DIAPH2: variants seen among roughly 807,000 people sequenced by gnomAD.
DIAPH2 encodes diaphanous related formin 2, also known as protein diaphanous homolog 2.
In DIAPH2, 35 loss-of-function variants were observed where a neutral mutation model predicts 92.7. The observed-to-expected ratio is 0.38, with a 90% CI of 0.29 to 0.50. The LOEUF is 0.50. Among genes scored for constraint, DIAPH2 ranks in the 20% least tolerant of loss-of-function variants. DIAPH2 has a pLI of 0.94. For synonymous variants in DIAPH2, 301 were observed against 280.4 expected (o/e 1.07, Z -0.73); for missense variants, 701 against 819.5 (o/e 0.86, Z 1.77).
chrX:97,487,433 C>T (rs955426235), intron 26 of DIAPH2, among the ~76,000 whole-genome samples: 2 of 111,072 alleles, frequency 1.8e-5, no homozygotes, highest in African/African-American at 6.6e-5. Flanking sequence ...TGCCACCACG[C>T]CCGGCTCATT....
intron 4 of DIAPH2, among the ~76,000 whole-genome samples, chrX:96,783,710 C>T (rs1185912598): frequency 8.9e-6 from 1 of 112,220 alleles, no homozygotes; most frequent in African/African-American, 3.2e-5. Flanking sequence ...ATTCTGAGGA[C>T]AGATACTTGT....
chrX:97,247,845 CTTTA>C lies in DIAPH2; in HGVS notation c.2844+15_2844+18del. 3.3e-6 allele frequency: 4 copies of C among 1,203,052 alleles called. No individual in the cohort carries two copies. Among genetic ancestry groups the C allele is most frequent in the Non-Finnish European group, 3.4e-6 (3 of 890,466 alleles). On this transcript the variant is annotated splice_region_variant and intron_variant, in intron 23 of 26. Coordinates refer to ENST00000324765, the MANE Select transcript of DIAPH2 (RefSeq NM_006729.5). ...AGTTTGTGGAAAAGATGACCATATC[CTTTA>C]TTTATTTAAGCATTTTGTCTAGTTT...
chrX:96,933,740 A>T (rs993790180), intron 10 of DIAPH2, among the ~76,000 whole-genome samples: 7 of 103,582 alleles, frequency 6.8e-5, no homozygotes, highest in Non-Finnish European at 1.2e-4. Flanking sequence ...AGTAGCTGGG[A>T]CTACAGGTGC....
chrX:96,939,668 A>AT (rs752101731), intron 12 of DIAPH2, among the ~76,000 whole-genome samples: 534 of 48,235 alleles, frequency 0.011, 75 homozygotes, highest in African/African-American at 0.031. Context: ...TTTAGGTAAC[A>AT]TTTTTTTTTT....
At chrX:96,999,495 T>C (rs1244401554) in intron 17 of DIAPH2, among the ~76,000 whole-genome samples, 1 of 65,447 alleles carries the variant, frequency 1.5e-5, no homozygotes, top group African/African-American at 5.7e-5. Context: ...AGTGAGACTG[T>C]CTCAAAAAAA....
intron 23 of DIAPH2, among the ~76,000 whole-genome samples, chrX:97,321,413 A>C (rs922964313): frequency 9.0e-6 from 1 of 110,741 alleles, no homozygotes; most frequent in Non-Finnish European, 1.9e-5. Flanking sequence ...TGCTTTAATA[A>C]ATTATTATTG....
chrX:96,809,169 T>C (rs2064653454), intron 4 of DIAPH2, among the ~76,000 whole-genome samples: 1 of 111,193 alleles, frequency 9.0e-6, no homozygotes, highest in African/African-American at 3.3e-5. Context: ...TTCCTCTCCG[T>C]CTTCTCTCCA....
At chrX:96,749,145 AAT>A (rs56745873) in intron 3 of DIAPH2, among the ~76,000 whole-genome samples, 1,271 of 79,561 alleles carry the variant, frequency 0.016, 38 homozygotes, top group African/African-American at 0.058. Flanking sequence ...AAAAAAAAAA[AAT>A]ATATATATAT....
chrX:97,497,442 T>C (rs757335697), intron 26 of DIAPH2, among the ~76,000 whole-genome samples: 1 of 107,468 alleles, frequency 9.3e-6, no homozygotes, highest in East Asian at 2.9e-4. Context: ...TAAGCTCTGA[T>C]CACATTTTTT....
intron 23 of DIAPH2, among the ~76,000 whole-genome samples, 163 bp downstream of exon 23, chrX:97,248,002 T>C (rs191982470): frequency 1.2e-4 from 14 of 112,183 alleles, no homozygotes; most frequent in Admixed American, 1.1e-3. Context: ...TGTTTCATGA[T>C]GTTTTCAACC....
chrX:97,420,281 AT>A lies in DIAPH2; in HGVS notation c.3146-9368del, dbSNP rs1400504031. On this transcript the variant is annotated intron_variant, in intron 25 of 26. Coordinates refer to ENST00000324765, the MANE Select transcript of DIAPH2 (RefSeq NM_006729.5). ...TAACAAGCTTCTCTTTAAGATATAC[AT>A]ACATTAGGGAAAGTTAACTCACCAA... 4.5e-5 allele frequency among the ~76,000 whole-genome samples: 5 copies of A among 111,786 alleles called. No homozygotes were observed. The South Asian group carries it at 1.5e-3, about 34-fold the overall frequency.
chrX:97,262,654 G>T (rs1417077231), intron 23 of DIAPH2, among the ~76,000 whole-genome samples: 3 of 111,795 alleles, frequency 2.7e-5, no homozygotes, highest in African/African-American at 9.7e-5. Flanking sequence ...TGGGAAGTTT[G>T]AGACGCCTAT....
intron 17 of DIAPH2, among the ~76,000 whole-genome samples, chrX:96,991,118 CT>C (rs778658714): frequency 1.3e-3 from 129 of 101,808 alleles, no homozygotes; most frequent in East Asian, 1.5e-3. Flanking sequence ...ATTAGTCCCT[CT>C]TTTTTTTTTT....
chrX:97,033,317 A>G (rs1477764830), intron 17 of DIAPH2, among the ~76,000 whole-genome samples: 1 of 111,600 alleles, frequency 9.0e-6, no homozygotes, highest in African/African-American at 3.3e-5. Flanking sequence ...TTCACAGTGT[A>G]CTTTTTTTCC....
rs773395892 is a variant in DIAPH2, at chrX:97,147,217, A to G, written c.2719+5423A>G. The stretch of plus-strand genomic sequence containing the variant: ...TTGTCATTTTATTCTTGGTTAAATT[A>G]TAAATCTGTGGGTCATTTCATTCAA... On this transcript the variant is annotated intron_variant, in intron 22 of 26. Transcript: ENST00000324765. Among the ~76,000 whole-genome samples, 3 of 111,407 alleles carry G rather than the reference A, an allele frequency of 2.7e-5. No individual in the cohort carries two copies. In the South Asian group the frequency reaches 1.1e-3, roughly 42 times the overall value.
At chrX:96,889,120 A>G (rs1382498984) in intron 5 of DIAPH2, among the ~76,000 whole-genome samples, 1 of 111,935 alleles carries the variant, frequency 8.9e-6, no homozygotes, top group African/African-American at 3.2e-5. Flanking sequence ...CTATCAGCTT[A>G]AGAGACAAAA....
chrX:97,106,594 T>C (rs1171453738), intron 20 of DIAPH2, among the ~76,000 whole-genome samples: 8 of 111,799 alleles, frequency 7.2e-5, no homozygotes, highest in African/African-American at 1.6e-4. Context: ...AACCCTTTCA[T>C]TTTTCCCCTC....
chrX:96,972,877 A>C (rs1309958934), intron 17 of DIAPH2, among the ~76,000 whole-genome samples: 1 of 111,958 alleles, frequency 8.9e-6, no homozygotes, highest in East Asian at 2.8e-4. Context: ...TGAGCAAGGA[A>C]TCATTCATTA....
intron 26 of DIAPH2, among the ~76,000 whole-genome samples, chrX:97,518,336 A>G (rs1037761976): frequency 4.5e-5 from 5 of 111,504 alleles, no homozygotes; most frequent in African/African-American, 1.6e-4. Flanking sequence ...ATTTACACGT[A>G]GCTGTAAAAC....
Sources: allele counts gnomAD v4.1 joint callset (sites outside exome capture counted in the v4.1 genomes callset), GRCh38; gene constraint gnomAD v4.1.1; transcripts MANE v1.5; gene names NCBI Gene and HGNC (gene_info 2026-07-23, HGNC 2026-07-21).